The following PEBP4 variants were observed in gnomAD, a reference collection of about 807,000 sequenced individuals.
PEBP4 encodes the protein phosphatidylethanolamine-binding protein 4.
A neutral mutation model predicts 23.9 loss-of-function variants in PEBP4; 22 were observed. The ratio of observed to expected loss-of-function variants is 0.92; its 90% confidence interval spans 0.66 to 1.31. The LOEUF is 1.31. Ranked by LOEUF, PEBP4 falls within the 40% of genes most tolerant of loss-of-function variation. The probability of loss-of-function intolerance (pLI) is 0.00; values close to 1 mark genes in which losing one functional copy is unlikely to be tolerated. For synonymous variants in PEBP4, 112 were observed against 99.3 expected, an observed-to-expected ratio of 1.13 and a Z score of -0.76; for missense variants, 324 against 281.7, an observed-to-expected ratio of 1.15 and a Z score of -1.07.
rs149250325 is a variant in PEBP4, at chr8:22,916,700, ACTCT to A, written c.258+3480_258+3483del. On this transcript the variant is annotated intron_variant, in intron 3 of 6. Coordinates refer to ENST00000256404, the MANE Select transcript of PEBP4 (RefSeq NM_144962.3). Reference sequence around the variant, plus strand: ...CATGCATTCATGCATTCACCTGTTCACTCTCTCACCTAGTCACCCAGTCAGCCAG... The same window carrying A: ...CATGCATTCATGCATTCACCTGTTCACTCACCTAGTCACCCAGTCAGCCAG... Among the ~76,000 whole-genome samples the A allele has an allele frequency of 8.1e-3, 1,228 of 152,058 alleles. 22 individuals carry two copies. The highest frequency in any genetic ancestry group is 0.028 in the African/African-American group (1,180 of 41,458).
chr8:22,752,069 T>A (rs1805280406), intron 4 of PEBP4, among the ~76,000 whole-genome samples: 1 of 152,140 alleles, frequency 6.6e-6, no homozygotes, highest in Non-Finnish European at 1.5e-5. Context: ...GCTAATTTTT[T>A]TAAAAAGTTT....
intron 3 of PEBP4, among the ~76,000 whole-genome samples, chr8:22,823,429 A>T (rs1268908898): frequency 1.3e-5 from 2 of 151,942 alleles, no homozygotes; most frequent in Non-Finnish European, 2.9e-5. Flanking sequence ...TTAGAGTTAG[A>T]TCTTTATATA....
chr8:22,819,515 TA>T (rs1806813638), intron 3 of PEBP4, among the ~76,000 whole-genome samples: 1 of 152,170 alleles, frequency 6.6e-6, no homozygotes, highest in Non-Finnish European at 1.5e-5. Context: ...AAGATGATCA[TA>T]AAAAGGGAAA....
intron 3 of PEBP4, among the ~76,000 whole-genome samples, chr8:22,907,364 T>C (rs1808838937): frequency 6.6e-6 from 1 of 151,970 alleles, no homozygotes; most frequent in African/African-American, 2.4e-5. Context: ...ATACAAAAAT[T>C]AGCCAGGTGT....
At chr8:22,866,291 G>A (rs1474229560) in intron 3 of PEBP4, among the ~76,000 whole-genome samples, 3 of 152,122 alleles carry the variant, frequency 2.0e-5, no homozygotes, top group African/African-American at 7.2e-5. Context: ...CTTTCATCTG[G>A]TCCTTTTCGC....
chr8:22,924,233 G>A (rs947854995), intron 2 of PEBP4, among the ~76,000 whole-genome samples: 6 of 152,074 alleles, frequency 3.9e-5, no homozygotes, highest in South Asian at 2.1e-4. Context: ...GTGTGGTGGC[G>A]TGCACCTGTA....
chr8:22,900,173 G>A (rs1042714974), intron 3 of PEBP4, among the ~76,000 whole-genome samples: 5 of 152,186 alleles, frequency 3.3e-5, no homozygotes, highest in Admixed American at 2.6e-4. Context: ...TAAATGTAAG[G>A]CACAGTAAGA....
chr8:22,891,980 G>A (rs538649875), intron 3 of PEBP4, among the ~76,000 whole-genome samples: 1 of 152,140 alleles, frequency 6.6e-6, no homozygotes, highest in Non-Finnish European at 1.5e-5. Flanking sequence ...GGCTCAGGCA[G>A]GAGAATGGCG....
intron 3 of PEBP4, among the ~76,000 whole-genome samples, chr8:22,897,020 T>G (rs1388524259): frequency 6.6e-6 from 1 of 151,202 alleles, no homozygotes; most frequent in Non-Finnish European, 1.5e-5. Flanking sequence ...CACATATATC[T>G]GTGTGTATGT....
intron 3 of PEBP4, among the ~76,000 whole-genome samples, chr8:22,856,047 CAAAAA>C (rs34409506): frequency 8.0e-4 from 73 of 91,646 alleles, no homozygotes; most frequent in African/African-American, 3.1e-3. Flanking sequence ...GACCCTGTCT[CAAAAA>C]AAAAAAAAAA....
chr8:22,759,449 G>A (rs954653150), intron 4 of PEBP4, among the ~76,000 whole-genome samples: 3 of 151,778 alleles, frequency 2.0e-5, no homozygotes, highest in Admixed American at 1.3e-4. Flanking sequence ...CATATCGGGC[G>A]CTGGGCCGGA....
intron 1 of PEBP4, among the ~76,000 whole-genome samples, chr8:22,937,909 C>CAT (rs1809560997): frequency 1.3e-5 from 2 of 152,026 alleles, no homozygotes; most frequent in Admixed American, 6.6e-5. Context: ...TGGATCCTTG[C>CAT]TTTACACCAG....
intron 3 of PEBP4, among the ~76,000 whole-genome samples, chr8:22,916,475 C>T (rs1001174229): frequency 4.6e-5 from 7 of 152,160 alleles, no homozygotes; most frequent in Admixed American, 3.3e-4. Context: ...TCTTTCTCTG[C>T]CTGCTTCCCC....
At chr8:22,904,629 G>A (rs1338620706) in intron 3 of PEBP4, among the ~76,000 whole-genome samples, 1 of 152,158 alleles carries the variant, frequency 6.6e-6, no homozygotes, top group African/African-American at 2.4e-5. Context: ...AACACTCAAG[G>A]AGATCCAATG....
At chr8:22,901,436 G>A (rs1808707938) in intron 3 of PEBP4, among the ~76,000 whole-genome samples, 1 of 152,164 alleles carries the variant, frequency 6.6e-6, no homozygotes, top group Non-Finnish European at 1.5e-5. Flanking sequence ...AACTACCTAG[G>A]ATCGGTCCTG....
intron 6 of PEBP4, among the ~76,000 whole-genome samples, chr8:22,724,058 A>G (rs752199245): frequency 6.6e-6 from 1 of 152,110 alleles, no homozygotes; most frequent in African/African-American, 2.4e-5. Context: ...TTCAGTCTCT[A>G]TTGTCTTCCC....
At chr8:22,796,498 C>A (rs149138978) in intron 4 of PEBP4, among the ~76,000 whole-genome samples, 1 of 152,148 alleles carries the variant, frequency 6.6e-6, no homozygotes, top group Non-Finnish European at 1.5e-5. Context: ...AGCTGGGAAG[C>A]CTTCCTCCGG....
chr8:22,902,066 C>T (rs1808722751), intron 3 of PEBP4, among the ~76,000 whole-genome samples: 1 of 152,188 alleles, frequency 6.6e-6, no homozygotes, highest in South Asian at 2.1e-4. Flanking sequence ...TGCCTGTAAT[C>T]CCAGCACTTT....
chr8:22,842,104 T>C (rs1807340864), intron 3 of PEBP4, among the ~76,000 whole-genome samples: 1 of 152,228 alleles, frequency 6.6e-6, no homozygotes, highest in South Asian at 2.1e-4. Context: ...AGCAAACTCT[T>C]GACACTTGAA....
Sources: allele counts gnomAD v4.1 joint callset (sites outside exome capture counted in the v4.1 genomes callset), GRCh38; gene constraint gnomAD v4.1.1; transcripts MANE v1.5; gene names NCBI Gene and HGNC (gene_info 2026-07-23, HGNC 2026-07-21).